GPATCH2: variants seen among roughly 807,000 people sequenced by gnomAD.
GPATCH2 encodes G patch domain-containing protein 2.
GPATCH2 carries 51 observed loss-of-function variants against 58.0 expected under a neutral mutation model. The ratio of observed to expected loss-of-function variants is 0.88; its 90% CI spans 0.70 to 1.11. The LOEUF (loss-of-function observed/expected upper bound fraction) is 1.11. Ranked by LOEUF, GPATCH2 falls within the 50% of genes most tolerant of loss-of-function variation. The pLI is 0.00. For synonymous variants in GPATCH2, 222 were observed against 218.5 expected, an observed-to-expected ratio of 1.02 and a Z score of -0.14; for missense variants, 625 against 652.2, an observed-to-expected ratio of 0.96 and a Z score of 0.45.
intron 5 of GPATCH2, among the ~76,000 whole-genome samples, chr1:217,566,154 A>C (rs1666225257): frequency 6.6e-6 from 1 of 151,774 alleles, no homozygotes; most frequent in Admixed American, 6.6e-5. Context: ...AAGATGAAAA[A>C]GCAAATAGTT....
intron 5 of GPATCH2, among the ~76,000 whole-genome samples, chr1:217,553,310 G>A (rs113236149): frequency 0.03 from 4,525 of 152,034 alleles, 99 homozygotes; most frequent in South Asian, 0.042. Flanking sequence ...AATTATAGGG[G>A]CTTCATAAAT....
chr1:217,557,687 T>C (rs1665714098), intron 5 of GPATCH2, among the ~76,000 whole-genome samples: 1 of 152,204 alleles, frequency 6.6e-6, no homozygotes, highest in African/African-American at 2.4e-5. Flanking sequence ...TCTATCCTTT[T>C]CCCACTGATC....
intron 5 of GPATCH2, among the ~76,000 whole-genome samples, chr1:217,603,947 G>C (rs1668235524): frequency 6.6e-6 from 1 of 152,022 alleles, no homozygotes; most frequent in African/African-American, 2.4e-5. Context: ...TTGAATCAAA[G>C]AGACTGTATT....
chr1:217,570,411 C>G (rs1033532928), intron 5 of GPATCH2, among the ~76,000 whole-genome samples: 1 of 152,142 alleles, frequency 6.6e-6, no homozygotes. Flanking sequence ...CCACACCTGG[C>G]CCCAAAATAT....
At position 217,581,983 on chromosome 1, in the gene GPATCH2, C is replaced by G. The variant is rs77739217; in HGVS notation, c.1098+28338G>C. ...GAAAAGAAGTTTATAATTTCCTGTACTATATTCTTTGATCCTCTTCTCTTC... is the reference window on the plus strand; with the variant it reads ...GAAAAGAAGTTTATAATTTCCTGTAGTATATTCTTTGATCCTCTTCTCTTC... On this transcript the variant is annotated intron_variant, in intron 5 of 9. Transcript: ENST00000366935. 1.6e-3 allele frequency among the ~76,000 whole-genome samples: 247 copies of G among 152,244 alleles called. 6 individuals carry two copies. The East Asian group carries it at 0.04, about 25-fold the overall frequency.
At chr1:217,488,337 A>C (rs1661550529) in intron 8 of GPATCH2, among the ~76,000 whole-genome samples, 1 of 152,194 alleles carries the variant, frequency 6.6e-6, no homozygotes, top group African/African-American at 2.4e-5. Context: ...CAATAATAGC[A>C]GTGTTATGAT....
chr1:217,591,902 G>A (rs1386696085), intron 5 of GPATCH2, among the ~76,000 whole-genome samples: 1 of 151,964 alleles, frequency 6.6e-6, no homozygotes, highest in African/African-American at 2.4e-5. Context: ...TATTTTTAAA[G>A]TTTTTACAGC....
At chr1:217,595,966 A>G (rs1667806807) in intron 5 of GPATCH2, among the ~76,000 whole-genome samples, 1 of 152,096 alleles carries the variant, frequency 6.6e-6, no homozygotes, top group Non-Finnish European at 1.5e-5. Flanking sequence ...TAACAGAATA[A>G]TTTACTTTTT....
chr1:217,440,322 T>C (rs1046879898), intron 9 of GPATCH2, among the ~76,000 whole-genome samples: 24 of 152,132 alleles, frequency 1.6e-4, no homozygotes, highest in African/African-American at 4.6e-4. Context: ...CCCTACATAC[T>C]AAAAACTCTC....
chr1:217,432,305 T>A (rs1456520472), intron 9 of GPATCH2, among the ~76,000 whole-genome samples: 1 of 147,514 alleles, frequency 6.8e-6, no homozygotes, highest in Non-Finnish European at 1.5e-5. Flanking sequence ...TTCTCTTTGA[T>A]GACATTTTCA....
intron 5 of GPATCH2, among the ~76,000 whole-genome samples, chr1:217,569,449 C>CT (rs200295888): frequency 0.013 from 1,970 of 152,226 alleles, 44 homozygotes; most frequent in African/African-American, 0.045. Flanking sequence ...AATCACAGCA[C>CT]TTTGGGAGGC....
chr1:217,488,723 A>T (rs1661569053), intron 8 of GPATCH2, among the ~76,000 whole-genome samples: 2 of 151,698 alleles, frequency 1.3e-5, no homozygotes, highest in Admixed American at 1.3e-4. Flanking sequence ...ACAGGGTCTT[A>T]CTGTGTTGCC....
At chr1:217,489,019 G>T (rs1169424999) in intron 8 of GPATCH2, among the ~76,000 whole-genome samples, 2 of 151,626 alleles carry the variant, frequency 1.3e-5, no homozygotes, top group Non-Finnish European at 2.9e-5. Flanking sequence ...CTGTGTGTGT[G>T]TGTTTATGTG....
At chr1:217,595,279 CT>C in intron 5 of GPATCH2, among the ~76,000 whole-genome samples, 1 of 152,134 alleles carries the variant, frequency 6.6e-6, no homozygotes, top group African/African-American at 2.4e-5. Context: ...TAAAAAAACC[CT>C]TGAATCTTTC....
chr1:217,508,656 TGTA>T (rs1662685015), intron 6 of GPATCH2, among the ~76,000 whole-genome samples: 1 of 152,180 alleles, frequency 6.6e-6, no homozygotes, highest in Admixed American at 6.5e-5. Flanking sequence ...GTATTTTTAA[TGTA>T]GTCATATATT....
At chr1:217,569,510 C>T (rs559113360) in intron 5 of GPATCH2, among the ~76,000 whole-genome samples, 5 of 151,706 alleles carry the variant, frequency 3.3e-5, no homozygotes, top group South Asian at 2.1e-4. Flanking sequence ...GCCCGGCTAA[C>T]GTGGCGAAAC....
intron 5 of GPATCH2, among the ~76,000 whole-genome samples, chr1:217,607,983 A>T (rs1668441990): frequency 6.6e-6 from 1 of 152,212 alleles, no homozygotes; most frequent in Non-Finnish European, 1.5e-5. Flanking sequence ...CTGGCTTTCC[A>T]GTGTGAAAGT....
At chr1:217,579,748 C>T (rs1425110661) in intron 5 of GPATCH2, among the ~76,000 whole-genome samples, 2 of 152,106 alleles carry the variant, frequency 1.3e-5, no homozygotes, top group African/African-American at 4.8e-5. Context: ...GAGAATCCAT[C>T]AAAGCCTGCA....
chr1:217,591,511 C>G (rs918820262), intron 5 of GPATCH2, among the ~76,000 whole-genome samples: 2 of 152,068 alleles, frequency 1.3e-5, no homozygotes, highest in African/African-American at 4.8e-5. Flanking sequence ...TAACTAAACC[C>G]TGGCTAATAT....
Sources: allele counts gnomAD v4.1 joint callset (sites outside exome capture counted in the v4.1 genomes callset), GRCh38; gene constraint gnomAD v4.1.1; transcripts MANE v1.5; gene names NCBI Gene and HGNC (gene_info 2026-07-23, HGNC 2026-07-21).